Variants in C19orf81 observed in about 807,000 individuals in gnomAD.
C19orf81 encodes the protein chromosome 19 open reading frame 81, also known as putative uncharacterized protein C19orf81.
C19orf81 carries 19 observed loss-of-function variants against 22.1 expected under a neutral mutation model. The ratio of observed to expected loss-of-function variants is 0.86; its 90% CI spans 0.60 to 1.26. C19orf81 has a LOEUF of 1.26. C19orf81 is among the 50% of genes most tolerant of loss of function. The pLI is 0.00. For missense variants in C19orf81, 287 were observed against 280.7 expected (o/e 1.02, Z -0.16); for synonymous variants, 108 against 113.1 (o/e 0.95, Z 0.29).
Position 50,659,077 on chromosome 19 carries a change from C to T in C19orf81, c.532C>T (p.Arg178Cys), listed in dbSNP as rs1443175667. The change falls in exon 5 of 5, where the codon CGC becomes TGC. Residue 178 changes from arginine (R) to cysteine (C), a missense_variant. Coordinates refer to ENST00000425202, the MANE Select transcript of C19orf81 (RefSeq NM_001195076.2). Reference protein sequence around the residue: ...LLLGDYRLHLRRSLVRRRMLE... With the variant: ...LLLGDYRLHLCRSLVRRRMLE... ...GCTGGGCGACTACCGCCTGCACCTG[C>T]GCCGCTCCCTGGTCCGGCGGCGCAT... 2.0e-6 allele frequency: 3 copies of T among 1,516,622 alleles called. No homozygotes were observed. Among genetic ancestry groups the T allele is most frequent in the Non-Finnish European group, 2.6e-6 (3 of 1,136,996 alleles). 93.9% of individuals were successfully genotyped at this position (1,516,622 alleles called of 1,614,324 possible).
rs924409330 is a variant in C19orf81 at position 50,656,328 on chromosome 19, C to A, written c.243C>A (p.Cys81Ter). ...FPTPPASQPLCLCMETLPEED... is the reference protein window; with the variant it reads ...FPTPPASQPL ...CACCACCAGCTTCCCAGCCCCTCTGCCTCTGCATGGAGACCTTGGTGAGTG... is the reference window on the plus strand; with the variant it reads ...CACCACCAGCTTCCCAGCCCCTCTGACTCTGCATGGAGACCTTGGTGAGTG... Residue 81 changes from cysteine to a stop codon, truncating the protein, a stop_gained, in exon 3 of 5, where the codon TGC (cysteine) becomes TGA (stop). Transcript: ENST00000425202. LOFTEE classifies it high-confidence loss of function. 6 of 1,535,900 alleles carry A rather than the reference C, an allele frequency of 3.9e-6. No homozygotes were observed. In the African/African-American group the frequency reaches 8.2e-5, roughly 21 times the overall value.
intron 1 of C19orf81, among the ~76,000 whole-genome samples, chr19:50,650,908 A>C (rs1599827141): frequency 6.6e-6 from 1 of 152,252 alleles, no homozygotes; most frequent in African/African-American, 2.4e-5. Flanking sequence ...CACCCACGTG[A>C]CATGTAATTT....
chr19:50,656,627 A>G (rs991066227), intron 3 of C19orf81, among the ~76,000 whole-genome samples: 1 of 152,132 alleles, frequency 6.6e-6, no homozygotes, highest in Non-Finnish European at 1.5e-5. Context: ...CCACTTCTGT[A>G]AAGTTTACAA....
At chr19:50,657,877 T>C (rs1985030456) in intron 3 of C19orf81, 112 bp from the exon 4 acceptor site, 3 of 1,373,178 alleles carry the variant, frequency 2.2e-6, no homozygotes, top group South Asian at 3.1e-5. Context: ...GCCCCTCAAA[T>C]GCCACCTGGA....
intron 1 of C19orf81, among the ~76,000 whole-genome samples, chr19:50,655,366 C>T (rs1984971758): frequency 6.6e-6 from 1 of 152,110 alleles, no homozygotes; most frequent in Admixed American, 6.6e-5. Context: ...AAACTGAAAA[C>T]TGGGCTGGGC....
intron 1 of C19orf81, among the ~76,000 whole-genome samples, chr19:50,651,277 G>A (rs1568420629): frequency 1.3e-5 from 2 of 152,128 alleles, no homozygotes; most frequent in Admixed American, 1.3e-4. Flanking sequence ...CTTCTCTTTT[G>A]CTCAAAAACC....
chr19:50,649,764 C>T lies in C19orf81; in HGVS notation c.67+253C>T, dbSNP rs553680939. On this transcript the variant is annotated intron_variant, in intron 1 of 4. Transcript: ENST00000425202. ...TACATTTCCCATGAGCCTCTGGGGC[C>T]TAAGCAACACCTCTGAGGCCATTCT... 22 of 613,658 alleles carry T rather than the reference C, an allele frequency of 3.6e-5. No homozygotes were observed. In the East Asian group the frequency reaches 7.5e-4, roughly 21 times the overall value. 38.0% of individuals were successfully genotyped at this position (613,658 alleles called of 1,614,324 possible).
At chr19:50,651,813 G>A (rs1984884208) in intron 1 of C19orf81, among the ~76,000 whole-genome samples, 1 of 151,764 alleles carries the variant, frequency 6.6e-6, no homozygotes, top group African/African-American at 2.4e-5. Context: ...ACATTTAAAT[G>A]TATTAAATAC....
chr19:50,658,195 G>C (rs2123045061), intron 4 of C19orf81, 67 bp downstream of exon 4: 1 of 1,463,312 alleles, frequency 6.8e-7, no homozygotes, highest in East Asian at 2.5e-5. Flanking sequence ...GACCGGGTAA[G>C]AGCGTGGTTG....
Position 50,658,994 on chromosome 19 carries a change from G to C in C19orf81, c.449G>C (p.Arg150Pro). The stretch of plus-strand genomic sequence containing the variant: ...TTCCAGACGCGCTCGCGCTTGCTGC[G>C]CTCCGGGCTCAGTCCCCGCGGGCTT... Reference protein sequence around the residue: ...TDFQTRSRLLRSGLSPRGLAH... With the variant: ...TDFQTRSRLLPSGLSPRGLAH... The change falls in exon 5 of 5, where the codon CGC becomes CCC. Residue 150 changes from arginine to proline, a missense_variant. Physicochemically the swap from Arg to Pro is moderately radical, Grantham distance 103. Coordinates refer to ENST00000425202, the MANE Select transcript of C19orf81 (RefSeq NM_001195076.2). The C allele has an allele frequency of 1.3e-6, 2 of 1,524,780 alleles. No homozygotes were observed. The highest frequency in any genetic ancestry group is 1.8e-6 in the Non-Finnish European group (2 of 1,140,294). The allele number at this position is 1,524,780 out of a possible 1,614,324, so 94.5% of individuals were successfully genotyped here.
At chr19:50,654,507 C>T (rs937307718) in intron 1 of C19orf81, among the ~76,000 whole-genome samples, 3 of 151,674 alleles carry the variant, frequency 2.0e-5, no homozygotes, top group African/African-American at 7.3e-5. Context: ...CCATATTGGC[C>T]AGGATGGTCT....
intron 1 of C19orf81, chr19:50,649,856 C>T: frequency 2.1e-6 from 1 of 480,346 alleles, no homozygotes; most frequent in South Asian, 1.5e-5. Flanking sequence ...AAGCTGCTCT[C>T]CTCCTTCCTG....
At chr19:50,653,628 CACT>C (rs1170922390) in intron 1 of C19orf81, among the ~76,000 whole-genome samples, 5 of 149,540 alleles carry the variant, frequency 3.3e-5, no homozygotes, top group African/African-American at 1.2e-4. Context: ...ACCAGCACAC[CACT>C]GACTATAGTT....
At chr19:50,654,869 AT>A (rs1487456202) in intron 1 of C19orf81, among the ~76,000 whole-genome samples, 1 of 152,098 alleles carries the variant, frequency 6.6e-6, no homozygotes, top group Non-Finnish European at 1.5e-5. Context: ...CCAGAATTGT[AT>A]TTCTCTCTTG....
chr19:50,653,070 C>T (rs1984912626), intron 1 of C19orf81, among the ~76,000 whole-genome samples: 1 of 152,106 alleles, frequency 6.6e-6, no homozygotes, highest in Non-Finnish European at 1.5e-5. Context: ...TAGAGTCTTG[C>T]TTTGTCGCCC....
At chr19:50,656,787 AT>A (rs1038915056) in intron 3 of C19orf81, among the ~76,000 whole-genome samples, 14 of 152,102 alleles carry the variant, frequency 9.2e-5, no homozygotes, top group Admixed American at 2.6e-4. Flanking sequence ...CCCCGTCTCT[AT>A]TAAAAATACA....
At chr19:50,651,948 T>C (rs529697583) in intron 1 of C19orf81, among the ~76,000 whole-genome samples, 2 of 152,346 alleles carry the variant, frequency 1.3e-5, no homozygotes, top group Admixed American at 6.5e-5. Context: ...GAGTTACTTT[T>C]TGATTCATTT....
At chr19:50,654,510 G>A (rs1421466688) in intron 1 of C19orf81, among the ~76,000 whole-genome samples, 1 of 151,612 alleles carries the variant, frequency 6.6e-6, no homozygotes, top group Non-Finnish European at 1.5e-5. Context: ...TATTGGCCAG[G>A]ATGGTCTCGA....
chr19:50,656,063 G>A lies in C19orf81; in HGVS notation c.81G>A (p.Met27Ile). 1.3e-6 allele frequency: 2 copies of A among 1,536,138 alleles called. No individual in the cohort carries two copies. Among genetic ancestry groups the A allele is most frequent in the Non-Finnish European group, 1.7e-6 (2 of 1,146,910 alleles). The change falls in exon 2 of 5, where the codon ATG becomes ATA. Residue 27 changes from methionine to isoleucine, a missense_variant. Met to Ile is a conservative substitution (Grantham distance 10). Coordinates refer to ENST00000425202, the MANE Select transcript of C19orf81 (RefSeq NM_001195076.2). ...TMHRKAGALLMDLETPEEMQA... is the reference protein window; with the variant it reads ...TMHRKAGALLIDLETPEEMQA... Reference sequence around the variant, plus strand: ...CTCTGTCCTCAGGAGCCCTCCTTATGGACCTGGAGACCCCAGAGGAGATGC... The same window carrying A: ...CTCTGTCCTCAGGAGCCCTCCTTATAGACCTGGAGACCCCAGAGGAGATGC...
Sources: gnomAD v4.1 joint callset for allele counts (sites outside exome capture counted in the v4.1 genomes callset) on GRCh38, gnomAD v4.1.1 for gene constraint, MANE v1.5 for transcripts, NCBI Gene and HGNC (gene_info 2026-07-23, HGNC 2026-07-21) for gene names.